Variants in CTSH observed in about 807,000 individuals in gnomAD.
CTSH encodes the protein cathepsin H, also known as pro-cathepsin H.
A neutral mutation model predicts 56.3 loss-of-function variants in CTSH; 52 were observed. The observed-to-expected ratio is 0.92, with a 90% CI of 0.74 to 1.16. The LOEUF (loss-of-function observed/expected upper bound fraction) is 1.16. Among genes scored for constraint, CTSH ranks in the 50% most tolerant of loss-of-function variants. The pLI, the probability that CTSH is intolerant of heterozygous loss-of-function variation, is 0.00. For synonymous variants in CTSH, 174 were observed against 155.7 expected, an observed-to-expected ratio of 1.12 and a Z score of -0.88; for missense variants, 406 against 424.5, an observed-to-expected ratio of 0.96 and a Z score of 0.38.
intron 9 of CTSH, chr15:78,926,381 G>GGGCACAGAGGCCAGCCC (rs2054903867): frequency 1.3e-5 from 2 of 152,358 alleles, no homozygotes; most frequent in African/African-American, 2.4e-5. Flanking sequence ...GAGACATGGA[G>GGGCACAGAGGCCAGCCC]GGCACAGAGG....
Position 78,933,051 on chromosome 15 carries a change from A to AGACACCCCT in CTSH, c.406-602_406-594dup, listed in dbSNP as rs544453236. ...AACTAACTGCCAGACAACCCCACCC[A>AGACACCCCT]GACACCCCTGACACCCCAGACTCTG... On this transcript the variant is annotated intron_variant, in intron 5 of 11. Coordinates refer to ENST00000220166, the MANE Select transcript of CTSH (RefSeq NM_004390.5). Among the ~76,000 whole-genome samples, 578 of 152,198 alleles carry AGACACCCCT rather than the reference A, an allele frequency of 3.8e-3. 2 individuals carry two copies. Among genetic ancestry groups the AGACACCCCT allele is most frequent in the Middle Eastern group, 0.017 (5 of 294 alleles).
Position 78,945,011 on chromosome 15 carries a change from C to A in CTSH, c.-30G>T. 1 of 1,510,016 alleles carries A rather than the reference C, an allele frequency of 6.6e-7. No individual in the cohort carries two copies. The highest frequency in any genetic ancestry group is 1.2e-5 in the South Asian group (1 of 81,018). The allele number at this position is 1,510,016 out of a possible 1,614,324, so 93.5% of individuals were successfully genotyped here. ...GCGCTGGCGGCTTGGCTCTTGCGCTCAGGGTCCGCGGAGGTGGCGGCCCAG... is the reference window on the plus strand; with the variant it reads ...GCGCTGGCGGCTTGGCTCTTGCGCTAAGGGTCCGCGGAGGTGGCGGCCCAG... On this transcript the variant is annotated 5_prime_UTR_variant, in exon 1 of 12. Coordinates refer to ENST00000220166, the MANE Select transcript of CTSH (RefSeq NM_004390.5).
chr15:78,934,744 G>C, intron 5 of CTSH: 1 of 585,062 alleles, frequency 1.7e-6, no homozygotes, highest in Admixed American at 2.4e-5. Context: ...CGTGGGGAAG[G>C]AAGGGAGTAA....
chr15:78,921,785 C>T lies in CTSH; in HGVS notation c.*345G>A, dbSNP rs2054772600. ...CATGCTCCATCTGGGGAGGTGCTCA[C>T]TCAATGTTTATTGAACAGCGAATAC... On this transcript the variant is annotated 3_prime_UTR_variant, in exon 12 of 12. Coordinates refer to ENST00000220166, the MANE Select transcript of CTSH (RefSeq NM_004390.5). The T allele has an allele frequency of 8.3e-6, 2 of 239,758 alleles. No individual in the cohort carries two copies. Among genetic ancestry groups the T allele is most frequent in the South Asian group, 1.3e-4 (2 of 14,912 alleles). The allele number at this position is 239,758 out of a possible 1,614,324, so 14.9% of individuals were successfully genotyped here.
In CTSH at chr15:78,921,860, C is replaced by G; in HGVS notation, c.*270G>C. 1 of 493,140 alleles carries G rather than the reference C, an allele frequency of 2.0e-6. No individual in the cohort carries two copies. The highest frequency in any genetic ancestry group is 3.6e-6 in the Non-Finnish European group (1 of 275,294). 30.5% of individuals were successfully genotyped at this position (493,140 alleles called of 1,614,324 possible). Reference sequence around the variant, plus strand: ...ATATGTGGAAAGTAGCCCTTCTGGACAGAAAGAATATTCGTGGTCCATGTG... The same window carrying G: ...ATATGTGGAAAGTAGCCCTTCTGGAGAGAAAGAATATTCGTGGTCCATGTG... On this transcript the variant is annotated 3_prime_UTR_variant, in exon 12 of 12. Coordinates refer to ENST00000220166, the MANE Select transcript of CTSH (RefSeq NM_004390.5).
intron 5 of CTSH, among the ~76,000 whole-genome samples, chr15:78,932,709 C>A (rs922041791): frequency 4.6e-5 from 7 of 152,288 alleles, no homozygotes; most frequent in Admixed American, 1.3e-4. Flanking sequence ...GAGAGGCTTG[C>A]AAAGGAGCAG....
At chr15:78,934,709 CTGGGACCAA>C (rs1859074601) in intron 5 of CTSH, 1 of 507,340 alleles carries the variant, frequency 2.0e-6, no homozygotes, top group Non-Finnish European at 3.6e-6. Context: ...TAGGAGAGAC[CTGGGACCAA>C]TGGGAAAATC....
intron 7 of CTSH, among the ~76,000 whole-genome samples, chr15:78,930,491 C>G (rs566621580): frequency 5.3e-4 from 80 of 151,930 alleles, no homozygotes; most frequent in African/African-American, 1.1e-3. Context: ...CGCGCCACTG[C>G]ACTCCAGCCT....
chr15:78,942,215 C>CT (rs35548397), intron 1 of CTSH, among the ~76,000 whole-genome samples: 4,913 of 110,310 alleles, frequency 0.045, 314 homozygotes, highest in African/African-American at 0.15. Flanking sequence ...TTCTTTCCTT[C>CT]TTTTTTTTTT....
chr15:78,928,264 G>A (rs766947007), intron 8 of CTSH, among the ~76,000 whole-genome samples: 3 of 152,100 alleles, frequency 2.0e-5, no homozygotes, highest in Non-Finnish European at 4.4e-5. Flanking sequence ...GGGCCTGGGC[G>A]TGAGGTTAAG....
At chr15:78,943,983 C>T (rs939644423) in intron 1 of CTSH, among the ~76,000 whole-genome samples, 1 of 152,070 alleles carries the variant, frequency 6.6e-6, no homozygotes, top group Admixed American at 6.6e-5. Flanking sequence ...ACCCTCTGGC[C>T]CAGATTCAGC....
At position 78,925,434 on chromosome 15, in the gene CTSH, C is replaced by T. The variant is rs747510233; in HGVS notation, c.706G>A (p.Glu236Lys). Residue 236 changes from glutamate to lysine, a missense_variant, in exon 10 of 12, where the codon GAG (glutamate) becomes AAG (lysine). By Grantham distance (56) the Glu-to-Lys change is moderately conservative. Transcript: ENST00000220166. ...KDVANITIYD[E>K]EAMVEAVALY... The stretch of plus-strand genomic sequence containing the variant: ...GCCACAGCCTCCACCATCGCTTCCT[C>T]GTCATACTGTGGAAACAGGACCGAG... 3.0e-5 allele frequency: 49 copies of T among 1,611,598 alleles called. No homozygotes were observed. The highest frequency in any genetic ancestry group is 3.7e-5 in the Non-Finnish European group (43 of 1,177,910).
chr15:78,923,228 G>T, intron 10 of CTSH, 110 bp from the exon 11 acceptor site: 1 of 1,157,948 alleles, frequency 8.6e-7, no homozygotes, highest in Non-Finnish European at 1.2e-6. Context: ...CCCCACAGCG[G>T]ACCAGGGAGG....
intron 9 of CTSH, 185 bp downstream of exon 9, chr15:78,927,528 C>T (rs1051227319): frequency 4.6e-5 from 27 of 591,258 alleles, no homozygotes; most frequent in Middle Eastern, 4.5e-4. Flanking sequence ...TGCCAGTTTG[C>T]GCTCTCCCTC....
At position 78,939,099 on chromosome 15, in the gene CTSH, G is replaced by A. The variant is rs571912721; in HGVS notation, c.123+41C>T. ...GTTTGGTTTGATAACAGGAAACTTTGTGAAATGAAAAACTTCAAAAAGAAG... is the reference window on the plus strand; with the variant it reads ...GTTTGGTTTGATAACAGGAAACTTTATGAAATGAAAAACTTCAAAAAGAAG... On this transcript the variant is annotated intron_variant, in intron 2 of 11. Coordinates refer to ENST00000220166, the MANE Select transcript of CTSH (RefSeq NM_004390.5). The A allele has an allele frequency of 5.8e-6, 9 of 1,555,400 alleles. No homozygotes were observed. In the African/African-American group the frequency reaches 1.1e-4, roughly 19 times the overall value.
At position 78,927,777 on chromosome 15, in the gene CTSH, C is replaced by A; in HGVS notation, c.635G>T (p.Gly212Val). ...EDTYPYQGKDGYCKFQPGKAI... is the reference protein window; with the variant it reads ...EDTYPYQGKDVYCKFQPGKAI... ...CTTTCCAGGTTGGAACTTGCAATAA[C>A]CATCCTGTTGAGGATGCAAAGGGCA... The change falls in exon 9 of 12, where the codon GGT (glycine) becomes GTT (valine). Residue 212 changes from glycine to valine, a missense_variant. Gly to Val is a moderately radical substitution (Grantham distance 109). Transcript: ENST00000220166. The A allele has an allele frequency of 6.2e-7, 1 of 1,614,122 alleles. No individual in the cohort carries two copies.
rs1346552916 is a variant in CTSH, at chr15:78,932,447, G to A, written c.417C>T (p.Gly139=). ...VSPVKNQGAC[G]SCWTFSTTGA... is the part of the protein sequence containing the mutation. ...CAGTGGTGGAGAAAGTCCAGCAACT[G>A]CCGCAGGCACCCTGGAAAGGCCAGG... Residue 139 remains glycine, a synonymous_variant, in exon 6 of 12, where the codon GGC becomes GGT. Transcript: ENST00000220166. The A allele has an allele frequency of 3.1e-6, 5 of 1,613,784 alleles. No homozygotes were observed. The highest frequency in any genetic ancestry group is 1.7e-5 in the Admixed American group (1 of 60,006).
Position 78,931,814 on chromosome 15 carries a change from C to A in CTSH, c.493-308G>T, listed in dbSNP as rs1262296308. The A allele has an allele frequency of 1.4e-5, 19 of 1,326,234 alleles. No individual in the cohort carries two copies. In the East Asian group the frequency reaches 6.0e-4, roughly 42 times the overall value. The allele number at this position is 1,326,234 out of a possible 1,614,324, so 82.2% of individuals were successfully genotyped here. ...CCCATACGATGCAGAGTGTGGGGTC[C>A]CACAGCGGTGTATAGGATGGGGGAA... On this transcript the variant is annotated intron_variant, in intron 6 of 11. Transcript: ENST00000220166.
intron 6 of CTSH, chr15:78,932,098 A>G (rs2055073624): frequency 8.0e-7 from 1 of 1,255,212 alleles, no homozygotes. Context: ...GCCTTTCTGA[A>G]CCCCTCCGCC....
Sources: allele counts gnomAD v4.1 joint callset (sites outside exome capture counted in the v4.1 genomes callset), GRCh38; gene constraint gnomAD v4.1.1; transcripts MANE v1.5; gene names NCBI Gene and HGNC (gene_info 2026-07-23, HGNC 2026-07-21).